Variants in PRTN3 observed in about 807,000 individuals in gnomAD.
PRTN3 encodes myeloblastin.
Under a neutral mutation model 20.7 loss-of-function variants are expected in PRTN3, and 22 were observed. The observed-to-expected ratio is 1.06, with a 90% CI of 0.76 to 1.52. The LOEUF is 1.52. Ranked by LOEUF, PRTN3 falls within the 40% of genes most tolerant of loss-of-function variation. PRTN3 has a pLI of 0.00. For synonymous variants in PRTN3, 173 were observed against 152.9 expected, an observed-to-expected ratio of 1.13 and a Z score of -0.97; for missense variants, 378 against 359.6, an observed-to-expected ratio of 1.05 and a Z score of -0.41.
chr19:843,745 C>T lies in PRTN3; in HGVS notation c.227+119C>T, dbSNP rs2035476303. The T allele has an allele frequency of 1.2e-5, 18 of 1,452,298 alleles. No individual in the cohort carries two copies. The South Asian group carries it at 2.0e-4, about 16-fold the overall frequency. The allele number at this position is 1,452,298 out of a possible 1,614,324, so 90.0% of individuals were successfully genotyped here. ...CTAAGCCCCGTCTGCAGACCCCAGG[C>T]CCCGCGCGCGTGGGCAGTTCTGGGG... On this transcript the variant is annotated intron_variant, in intron 2 of 4. Coordinates refer to ENST00000234347, the MANE Select transcript of PRTN3 (RefSeq NM_002777.4).
intron 4 of PRTN3, among the ~76,000 whole-genome samples, chr19:847,206 T>C (rs923428516): frequency 6.6e-6 from 1 of 152,100 alleles, no homozygotes; most frequent in Non-Finnish European, 1.5e-5. Context: ...CTCAGGAGGC[T>C]AAGGCAGGAG....
At chr19:841,884 T>A (rs1260754615) in intron 1 of PRTN3, among the ~76,000 whole-genome samples, 2 of 147,302 alleles carry the variant, frequency 1.4e-5, no homozygotes, top group Admixed American at 1.3e-4. Context: ...CCCACCACCA[T>A]GCCTGGATAA....
intron 1 of PRTN3, 31 bp from the exon 2 acceptor site, chr19:843,430 G>T (rs768411828): frequency 1.3e-6 from 2 of 1,517,480 alleles, no homozygotes; most frequent in African/African-American, 1.4e-5. Flanking sequence ...CAGCCTGGGG[G>T]CTCCCTGACG....
intron 1 of PRTN3, chr19:843,258 A>T (rs2035467644): frequency 1.7e-6 from 1 of 582,022 alleles, no homozygotes; most frequent in African/African-American, 1.9e-5. Context: ...CTCAGGACTG[A>T]AAGCTGCCAC....
At chr19:846,490 C>T in intron 4 of PRTN3, 113 bp downstream of exon 4, 3 of 1,130,898 alleles carry the variant, frequency 2.7e-6, no homozygotes, top group Non-Finnish European at 3.7e-6. Flanking sequence ...GCCTCAGTCT[C>T]CCCACCTGGA....
At chr19:841,731 C>CTTTTTTT (rs555166102) in intron 1 of PRTN3, among the ~76,000 whole-genome samples, 2 of 130,176 alleles carry the variant, frequency 1.5e-5, no homozygotes, top group Non-Finnish European at 3.2e-5. Flanking sequence ...TTTTCTTTTT[C>CTTTTTTT]TTTTTTTTTT....
chr19:844,666 C>T (rs2035494401), intron 3 of PRTN3, among the ~76,000 whole-genome samples: 1 of 150,888 alleles, frequency 6.6e-6, no homozygotes, highest in Non-Finnish European at 1.5e-5. Context: ...CACTGAACCG[C>T]GTGCTCCTCT....
chr19:841,731 CT>C (rs555166102), intron 1 of PRTN3, among the ~76,000 whole-genome samples: 77 of 130,106 alleles, frequency 5.9e-4, no homozygotes, highest in East Asian at 8.6e-4. Flanking sequence ...TTTTCTTTTT[CT>C]TTTTTTTTTT....
At chr19:845,237 C>A (rs2035501446) in intron 3 of PRTN3, among the ~76,000 whole-genome samples, 1 of 151,792 alleles carries the variant, frequency 6.6e-6, no homozygotes, top group Admixed American at 6.6e-5. Flanking sequence ...AGAGAGCCAC[C>A]GCGTCCAGCC....
chr19:843,650 T>A (rs746570948), intron 2 of PRTN3, 24 bp downstream of exon 2: 11 of 1,523,414 alleles, frequency 7.2e-6, no homozygotes, highest in Non-Finnish European at 9.6e-6. Context: ...TCCACACCCC[T>A]GTCCGCCCGC....
In PRTN3 at chr19:843,492, G is replaced by A; in HGVS notation, c.93G>A (p.Gly31=). The change falls in exon 2 of 5, where the codon GGG becomes GGA. Residue 31 remains glycine (G), a synonymous_variant. Coordinates refer to ENST00000234347, the MANE Select transcript of PRTN3 (RefSeq NM_002777.4). ...CCCGAGCTGCGGAGATCGTGGGCGGGCACGAGGCGCAGCCACACTCCCGGC... is the reference window on the plus strand; with the variant it reads ...CCCGAGCTGCGGAGATCGTGGGCGGACACGAGGCGCAGCCACACTCCCGGC... ...GAARAAEIVG[G]HEAQPHSRPY... is the part of the protein sequence containing the mutation. 2 of 1,580,500 alleles carry A rather than the reference G, an allele frequency of 1.3e-6. No individual in the cohort carries two copies. The highest frequency in any genetic ancestry group is 3.5e-5 in the Admixed American group (2 of 56,532).
Position 843,961 on chromosome 19 carries a change from A to G in PRTN3, c.296A>G (p.His99Arg), listed in dbSNP as rs1218390825. 1.2e-6 allele frequency: 2 copies of G among 1,602,646 alleles called. No homozygotes were observed. The highest frequency in any genetic ancestry group is 2.3e-5 in the East Asian group (1 of 44,320). ...NVRTQEPTQQ[H>R]FSVAQVFLNN... Reference sequence around the variant, plus strand: ...CGGACGCAGGAGCCCACCCAGCAGCACTTCTCGGTGGCTCAGGTGTTTCTG... The same window carrying G: ...CGGACGCAGGAGCCCACCCAGCAGCGCTTCTCGGTGGCTCAGGTGTTTCTG... The change falls in exon 3 of 5, where the codon CAC (histidine) becomes CGC (arginine). Residue 99 changes from histidine (H) to arginine (R), a missense_variant. Transcript: ENST00000234347.
In PRTN3 at chr19:841,022, C is replaced by A. The variant is rs201970320; in HGVS notation, c.14C>A (p.Pro5His). The change falls in exon 1 of 5, where the codon CCC becomes CAC. Residue 5 changes from proline to histidine, a missense_variant. By Grantham distance (77) the Pro-to-His change is moderately conservative. Coordinates refer to ENST00000234347, the MANE Select transcript of PRTN3 (RefSeq NM_002777.4). MAHR[P>H]PSPALASVLL... ...CTGGACCCCACCATGGCTCACCGGC[C>A]CCCCAGCCCTGCCCTGGCGTCCGTG... 6.2e-7 allele frequency: 1 copy of A among 1,609,224 alleles called. No individual in the cohort carries two copies. The highest frequency in any genetic ancestry group is 1.1e-5 in the South Asian group (1 of 90,834).
Position 844,149 on chromosome 19 carries a change from C to G in PRTN3, c.369+115C>G, listed in dbSNP as rs1294445245. The stretch of plus-strand genomic sequence containing the variant: ...ACTGTATACCGGGCCACGACCGAGG[C>G]CGCTGCAGCCTGGGTCCAGTGGCAC... On this transcript the variant is annotated intron_variant, in intron 3 of 4. Transcript: ENST00000234347. 3.7e-6 allele frequency: 5 copies of G among 1,356,616 alleles called. 1 individual carries two copies. In the African/African-American group the frequency reaches 7.5e-5, roughly 20 times the overall value. The allele number at this position is 1,356,616 out of a possible 1,614,324, so 84.0% of individuals were successfully genotyped here.
chr19:844,369 A>G (rs566163341), intron 3 of PRTN3, among the ~76,000 whole-genome samples: 10 of 30,214 alleles, frequency 3.3e-4, no homozygotes, highest in South Asian at 2.3e-3. Context: ...TCTCCCCTGC[A>G]TGCCTCTCCC....
In PRTN3 at chr19:847,549, A is replaced by AAGAAAGAAAGAAAAAG. The variant is rs1439165596; in HGVS notation, c.601-249_601-248insGAAAGAAAGAAAAAGA. Among the ~76,000 whole-genome samples the AAGAAAGAAAGAAAAAG allele has an allele frequency of 7.8e-5, 10 of 127,802 alleles. No homozygotes were observed. In the South Asian group the frequency reaches 1.2e-3, roughly 15 times the overall value. 83.8% of individuals were successfully genotyped at this position (127,802 alleles called of 152,430 possible). A position where few individuals can be genotyped will look rare whatever the true frequency, so the allele number is the denominator to read the frequency against. The stretch of plus-strand genomic sequence containing the variant: ...AGAGAAAGAAAGAAAGAAAGAAAGA[A>AAGAAAGAAAGAAAAAG]AAAGAAAGAGAGAGAGAGAGAGAGA... On this transcript the variant is annotated intron_variant, in intron 4 of 4. Coordinates refer to ENST00000234347, the MANE Select transcript of PRTN3 (RefSeq NM_002777.4).
rs557930444 is a variant in PRTN3 at position 842,488 on chromosome 19, C to T, written c.62-973C>T. On this transcript the variant is annotated intron_variant, in intron 1 of 4. Transcript: ENST00000234347. ...AGGCTGGAGTGCAGTGGTGTGATCT[C>T]GGCTCACTGCAACCTGTGCCTCCTG... Among the ~76,000 whole-genome samples the T allele has an allele frequency of 1.3e-3, 151 of 120,778 alleles. 1 individual carries two copies. The highest frequency in any genetic ancestry group is 4.8e-3 in the African/African-American group (143 of 30,074). 79.2% of individuals were successfully genotyped at this position (120,778 alleles called of 152,430 possible).
At chr19:846,738 G>C (rs2035522292) in intron 4 of PRTN3, among the ~76,000 whole-genome samples, 1 of 111,906 alleles carries the variant, frequency 8.9e-6, no homozygotes, top group South Asian at 2.5e-4. Flanking sequence ...GCCCCTCCCT[G>C]CTCACACTTT....
intron 1 of PRTN3, among the ~76,000 whole-genome samples, chr19:842,048 C>T (rs527832481): frequency 1.3e-5 from 2 of 150,664 alleles, no homozygotes; most frequent in African/African-American, 2.4e-5. Context: ...TTTTTTGAAA[C>T]GGAATCTTGC....
Sources: gnomAD v4.1 joint callset for allele counts (sites outside exome capture counted in the v4.1 genomes callset) on GRCh38, gnomAD v4.1.1 for gene constraint, MANE v1.5 for transcripts, NCBI Gene and HGNC (gene_info 2026-07-23, HGNC 2026-07-21) for gene names.